GRK3: variants seen among roughly 807,000 people sequenced by gnomAD.
GRK3 encodes G protein-coupled receptor kinase 3, also known as adrenergic, beta, receptor kinase 2.
In GRK3, 54 loss-of-function variants were observed where a neutral mutation model predicts 95.7. The observed-to-expected ratio is 0.56, with a 90% CI of 0.45 to 0.71. The LOEUF is 0.71. Among genes scored for constraint, GRK3 ranks in the 30% least tolerant of loss-of-function variants. GRK3 has a pLI of 0.00. For synonymous variants in GRK3, 281 were observed against 290.8 expected, an observed-to-expected ratio of 0.97 and a Z score of 0.34; for missense variants, 649 against 851.2, an observed-to-expected ratio of 0.76 and a Z score of 2.96.
intron 2 of GRK3, among the ~76,000 whole-genome samples, chr22:25,623,752 C>A (rs1012163507): frequency 6.6e-6 from 1 of 152,154 alleles, no homozygotes; most frequent in East Asian, 1.9e-4. Context: ...TCTGAAGCCT[C>A]GCTGATGCCT....
At chr22:25,640,437 C>T (rs1220546404) in intron 2 of GRK3, among the ~76,000 whole-genome samples, 1 of 152,212 alleles carries the variant, frequency 6.6e-6, no homozygotes, top group Non-Finnish European at 1.5e-5. Context: ...TTCACAATCA[C>T]ATCCTCAGTG....
rs190500856 is a variant in GRK3, at chr22:25,645,565, T to A, written c.264+900T>A. Among the ~76,000 whole-genome samples the A allele has an allele frequency of 5.9e-5, 9 of 152,314 alleles. No homozygotes were observed. The East Asian group carries it at 1.7e-3, about 29-fold the overall frequency. ...GCTGAAAACTTGTAATGGGCAGAAC[T>A]GACTCCAGTGCTAAGGAAATAAAAG... On this transcript the variant is annotated intron_variant, in intron 3 of 20. Transcript: ENST00000324198.
intron 1 of GRK3, among the ~76,000 whole-genome samples, chr22:25,599,540 C>T (rs1016745855): frequency 6.7e-5 from 10 of 148,204 alleles, no homozygotes; most frequent in African/African-American, 2.0e-4. Flanking sequence ...TGCAGTGAGC[C>T]GAGATCATGC....
At chr22:25,687,707 T>G (rs1026993596) in intron 11 of GRK3, 40 bp downstream of exon 11, 4 of 1,609,938 alleles carry the variant, frequency 2.5e-6, no homozygotes, top group Non-Finnish European at 2.5e-6. Context: ...TAGTAGGTAT[T>G]GTGTGAATGG....
At chr22:25,630,578 G>C (rs550094498) in intron 2 of GRK3, among the ~76,000 whole-genome samples, 2 of 152,292 alleles carry the variant, frequency 1.3e-5, no homozygotes, top group African/African-American at 2.4e-5. Flanking sequence ...GGGTTTGATA[G>C]AATTTTCTCG....
intron 2 of GRK3, among the ~76,000 whole-genome samples, chr22:25,634,586 G>T (rs1042489113): frequency 1.3e-5 from 2 of 152,108 alleles, no homozygotes; most frequent in Non-Finnish European, 2.9e-5. Flanking sequence ...CCAGAATTAT[G>T]TTTAATTATA....
chr22:25,583,721 T>C (rs1210529834), intron 1 of GRK3, among the ~76,000 whole-genome samples: 1 of 152,190 alleles, frequency 6.6e-6, no homozygotes, highest in African/African-American at 2.4e-5. Context: ...GTCTTTTCCT[T>C]TTCCTCCCAA....
rs375758893 is a variant in GRK3, at chr22:25,722,442, G to A, written c.2059G>A (p.Gly687Ser). ...KPSLCHRNSN[G>S]L ...ATCCCTCTGTCACAGAAACAGCAAC[G>A]GCCTCTAGCACCCAGAAACAGGGAG... is the stretch of plus-strand genomic sequence containing the variant. The change falls in exon 21 of 21, where the codon GGC (glycine) becomes AGC (serine). Residue 687 changes from glycine (G) to serine (S), a missense_variant. This residue lies in a region of GRK3 where 382 missense variants were observed against 493.8 expected (regional missense o/e 0.77). Coordinates refer to ENST00000324198, the MANE Select transcript of GRK3 (RefSeq NM_005160.4). 5.6e-6 allele frequency: 9 copies of A among 1,613,966 alleles called. No homozygotes were observed. The highest frequency in any genetic ancestry group is 4.5e-5 in the East Asian group (2 of 44,896).
intron 1 of GRK3, among the ~76,000 whole-genome samples, chr22:25,566,629 A>C (rs774031814): frequency 1.4e-4 from 21 of 152,326 alleles, no homozygotes; most frequent in Middle Eastern, 3.4e-3. Context: ...TAACACCCCT[A>C]TTCCAGAGTG....
At chr22:25,600,019 CAG>C (rs1242829386) in intron 1 of GRK3, among the ~76,000 whole-genome samples, 1 of 152,100 alleles carries the variant, frequency 6.6e-6, no homozygotes, top group Non-Finnish European at 1.5e-5. Context: ...ATCTACCTAA[CAG>C]AAGTATGCAG....
chr22:25,614,658 C>A (rs2084524639), intron 2 of GRK3, among the ~76,000 whole-genome samples: 1 of 152,104 alleles, frequency 6.6e-6, no homozygotes, highest in Non-Finnish European at 1.5e-5. Context: ...GCTTTTTCTG[C>A]CTATAACCAG....
intron 1 of GRK3, among the ~76,000 whole-genome samples, chr22:25,601,061 G>A (rs2084406132): frequency 1.3e-5 from 2 of 152,134 alleles, no homozygotes; most frequent in Non-Finnish European, 2.9e-5. Flanking sequence ...CACAATTTTA[G>A]TTGACGGTTT....
chr22:25,689,386 T>G (rs1457317178), intron 11 of GRK3, among the ~76,000 whole-genome samples: 2 of 152,226 alleles, frequency 1.3e-5, no homozygotes, highest in African/African-American at 4.8e-5. Flanking sequence ...GGCAGTGGTA[T>G]TATTTAATTT....
intron 2 of GRK3, among the ~76,000 whole-genome samples, chr22:25,609,374 C>T (rs997286338): frequency 6.6e-6 from 1 of 151,734 alleles, no homozygotes; most frequent in Non-Finnish European, 1.5e-5. Context: ...CCCTGTTGCC[C>T]AGGCTGGAGT....
intron 1 of GRK3, among the ~76,000 whole-genome samples, chr22:25,598,444 G>GGAGGATCACTTGAGCCCA: frequency 6.6e-6 from 1 of 152,166 alleles, no homozygotes. Flanking sequence ...GTCTGAGCCG[G>GGAGGATCACTTGAGCCCA]GAGGATCACT....
At chr22:25,641,923 G>T (rs1289109758) in intron 2 of GRK3, among the ~76,000 whole-genome samples, 1 of 152,084 alleles carries the variant, frequency 6.6e-6, no homozygotes, top group Non-Finnish European at 1.5e-5. Flanking sequence ...AAAAGACAGT[G>T]GTCCATGTGT....
chr22:25,709,223 G>T (rs2085324482), intron 15 of GRK3, among the ~76,000 whole-genome samples: 1 of 151,940 alleles, frequency 6.6e-6, no homozygotes, highest in African/African-American at 2.4e-5. Flanking sequence ...ATTTTCGGTA[G>T]AGAAGGGGTT....
At chr22:25,598,212 A>G (rs1239304146) in intron 1 of GRK3, among the ~76,000 whole-genome samples, 2 of 152,222 alleles carry the variant, frequency 1.3e-5, no homozygotes, top group African/African-American at 2.4e-5. Flanking sequence ...AGACTATGGT[A>G]AGTAAAAATG....
intron 1 of GRK3, among the ~76,000 whole-genome samples, chr22:25,571,853 C>T (rs1353614624): frequency 6.6e-6 from 1 of 151,616 alleles, no homozygotes; most frequent in Non-Finnish European, 1.5e-5. Context: ...ACCTTACTCA[C>T]ACTTTTTTTT....
Sources: gnomAD v4.1 joint callset for allele counts (sites outside exome capture counted in the v4.1 genomes callset) on GRCh38, gnomAD v4.1.1 for gene constraint, gnomAD v4.1.1 regional missense constraint, MANE v1.5 for transcripts, NCBI Gene and HGNC (gene_info 2026-07-23, HGNC 2026-07-21) for gene names.